RGS6: variants seen among roughly 807,000 people sequenced by gnomAD.
RGS6 encodes the protein regulator of G protein signaling 6.
A neutral mutation model predicts 78.5 loss-of-function variants in RGS6; 30 were observed. The ratio of observed to expected loss-of-function variants is 0.38; its 90% confidence interval spans 0.29 to 0.52. The LOEUF (loss-of-function observed/expected upper bound fraction) is 0.52. RGS6 is among the 20% of genes least tolerant of loss of function. RGS6 has a pLI of 0.85. For synonymous variants in RGS6, 206 were observed against 206.0 expected (o/e 1.00, Z 0.00); for missense variants, 495 against 609.7 (o/e 0.81, Z 1.98).
At chr14:72,441,299 A>G (rs1566855364) in intron 3 of RGS6, among the ~76,000 whole-genome samples, 1 of 152,138 alleles carries the variant, frequency 6.6e-6, no homozygotes, top group Non-Finnish European at 1.5e-5. Flanking sequence ...GAACCAGAAA[A>G]AGTGTGGAGG....
At chr14:72,120,159 T>C (rs974713275) in intron 2 of RGS6, among the ~76,000 whole-genome samples, 4 of 152,230 alleles carry the variant, frequency 2.6e-5, no homozygotes, top group African/African-American at 4.8e-5. Flanking sequence ...ATTTAGAGGA[T>C]ATAATTCAGA....
At chr14:72,391,134 G>A (rs1324243037) in intron 3 of RGS6, among the ~76,000 whole-genome samples, 1 of 152,190 alleles carries the variant, frequency 6.6e-6, no homozygotes, top group Admixed American at 6.5e-5. Flanking sequence ...TGGAAAGAAA[G>A]GTGAAAACTA....
At chr14:72,238,824 A>T (rs919584088) in intron 2 of RGS6, among the ~76,000 whole-genome samples, 1 of 152,154 alleles carries the variant, frequency 6.6e-6, no homozygotes, top group East Asian at 1.9e-4. Flanking sequence ...TTTATTAACA[A>T]GGAGATTCAT....
chr14:72,297,426 ATTATTT>A (rs1338454656), intron 2 of RGS6, among the ~76,000 whole-genome samples: 2,401 of 144,806 alleles, frequency 0.017, 72 homozygotes, highest in African/African-American at 0.062. Flanking sequence ...TATTATTATT[ATTATTT>A]TTTTTTTATA....
chr14:72,428,347 G>A (rs75556859), intron 3 of RGS6, among the ~76,000 whole-genome samples: 3,615 of 152,216 alleles, frequency 0.024, 67 homozygotes, highest in Middle Eastern at 0.095. Context: ...ATGGATGGAT[G>A]AGTGGGTGGG....
At chr14:72,136,617 A>G (rs1403382342) in intron 2 of RGS6, among the ~76,000 whole-genome samples, 2 of 152,140 alleles carry the variant, frequency 1.3e-5, no homozygotes, top group Admixed American at 1.3e-4. Context: ...ATCACTCCCC[A>G]TGACTCAGTT....
chr14:72,267,900 T>C (rs2059321222), intron 2 of RGS6, among the ~76,000 whole-genome samples: 1 of 152,240 alleles, frequency 6.6e-6, no homozygotes, highest in African/African-American at 2.4e-5. Flanking sequence ...ATTTCTGTCA[T>C]TATTTTAGTT....
intron 2 of RGS6, among the ~76,000 whole-genome samples, chr14:72,119,862 A>G (rs1597904741): frequency 6.6e-6 from 1 of 152,244 alleles, no homozygotes; most frequent in Non-Finnish European, 1.5e-5. Context: ...AATCTGGTTT[A>G]AAAGAAAAGC....
chr14:71,904,909 A>G, the RGS6 span, among the ~76,000 whole-genome samples: 4 of 151,264 alleles, frequency 2.6e-5, no homozygotes, highest in Non-Finnish European at 4.4e-5. Flanking sequence ...TTTTTTTTCT[A>G]CTGTGATTTA....
intron 2 of RGS6, chr14:72,022,368 T>C (rs1432981787): frequency 1.3e-5 from 2 of 152,202 alleles, no homozygotes; most frequent in African/African-American, 2.4e-5. Flanking sequence ...CTTTCCACAA[T>C]GGTTGAACTA....
intron 15 of RGS6, among the ~76,000 whole-genome samples, chr14:72,535,828 C>A (rs573477980): frequency 3.9e-5 from 6 of 152,284 alleles, no homozygotes; most frequent in Admixed American, 6.5e-5. Flanking sequence ...TTTTACTCAT[C>A]CTAATTCCCT....
chr14:72,596,149 T>G, the RGS6 span, among the ~76,000 whole-genome samples: 1 of 152,200 alleles, frequency 6.6e-6, no homozygotes, highest in Non-Finnish European at 1.5e-5. Flanking sequence ...GCCCCTAAAG[T>G]CAAGGTATCA....
At chr14:72,539,548 G>A (rs1264166548) in intron 16 of RGS6, among the ~76,000 whole-genome samples, 2 of 152,116 alleles carry the variant, frequency 1.3e-5, no homozygotes, top group Non-Finnish European at 2.9e-5. Context: ...AGATAACTTC[G>A]CTTCCCCGGC....
chr14:72,133,940 C>T (rs921641479), intron 2 of RGS6, among the ~76,000 whole-genome samples: 1 of 152,178 alleles, frequency 6.6e-6, no homozygotes, highest in South Asian at 2.1e-4. Flanking sequence ...GACATGGTTC[C>T]TCCATGGAAG....
chr14:71,969,432 G>T (rs947238085), intron 2 of RGS6, among the ~76,000 whole-genome samples: 1 of 152,146 alleles, frequency 6.6e-6, no homozygotes, highest in Non-Finnish European at 1.5e-5. Flanking sequence ...TGATTTGTTT[G>T]GGTCAGGAGG....
intron 1 of RGS6, among the ~76,000 whole-genome samples, chr14:71,962,630 C>A (rs570704027): frequency 6.6e-6 from 1 of 152,260 alleles, no homozygotes; most frequent in South Asian, 2.1e-4. Context: ...GTACTATATT[C>A]ATAGAAATCC....
chr14:72,486,725 A>G (rs2096493985), intron 12 of RGS6, among the ~76,000 whole-genome samples: 1 of 152,170 alleles, frequency 6.6e-6, no homozygotes, highest in African/African-American at 2.4e-5. Context: ...ATCTTATCCT[A>G]TGTGGCCAAC....
intron 3 of RGS6, among the ~76,000 whole-genome samples, chr14:72,356,022 G>A (rs2080197170): frequency 6.6e-6 from 1 of 152,270 alleles, no homozygotes; most frequent in East Asian, 1.9e-4. Flanking sequence ...GGCCTGACAT[G>A]CTCTGACTTA....
At chr14:72,140,789 T>C (rs530779689) in intron 2 of RGS6, among the ~76,000 whole-genome samples, 2 of 152,320 alleles carry the variant, frequency 1.3e-5, no homozygotes, top group South Asian at 4.1e-4. Flanking sequence ...TCAGCTGGGC[T>C]TTTGAGCAAG....
Sources: allele counts gnomAD v4.1 joint callset (sites outside exome capture counted in the v4.1 genomes callset), GRCh38; gene constraint gnomAD v4.1.1; transcripts MANE v1.5; gene names NCBI Gene and HGNC (gene_info 2026-07-23, HGNC 2026-07-21).